The following ARSH variants were observed in gnomAD, a reference collection of about 807,000 sequenced individuals.
The protein encoded by ARSH is arylsulfatase family member H.
ARSH carries 32 observed loss-of-function variants against 28.7 expected under a neutral mutation model. The observed-to-expected ratio is 1.11, with a 90% CI of 0.84 to 1.50. ARSH has a LOEUF of 1.50. Ranked by LOEUF, ARSH falls within the 40% of genes most tolerant of loss-of-function variation. The pLI, the probability that ARSH is intolerant of heterozygous loss-of-function variation, is 0.00. For missense variants in ARSH, 440 were observed against 452.4 expected (o/e 0.97, Z 0.25); for synonymous variants, 176 against 177.3 (o/e 0.99, Z 0.06).
intron 8 of ARSH, among the ~76,000 whole-genome samples, chrX:3,032,128 G>T (rs1004605993): frequency 9.1e-6 from 1 of 109,894 alleles, no homozygotes; most frequent in African/African-American, 3.3e-5. Flanking sequence ...ATCTAAAATT[G>T]ATCTCTGCAG....
chrX:3,014,839 T>C lies in ARSH; in HGVS notation c.341-131T>C, dbSNP rs146029934. On this transcript the variant is annotated intron_variant, in intron 3 of 8. Transcript: ENST00000381130. ...TATACCAGGGAGGTATTTGGGGATATCAAGAAAAAACCATGATGACAACAG... is the reference window on the plus strand; with the variant it reads ...TATACCAGGGAGGTATTTGGGGATACCAAGAAAAAACCATGATGACAACAG... 7,029 of 633,089 alleles carry C rather than the reference T, an allele frequency of 0.011. 272 individuals carry two copies. In the African/African-American group the frequency reaches 0.12, roughly 11 times the overall value. The allele number at this position is 633,089 out of a possible 1,213,427, so 52.2% of individuals were successfully genotyped here.
chrX:3,022,924 T>G (rs752658708), intron 5 of ARSH, among the ~76,000 whole-genome samples: 5 of 110,499 alleles, frequency 4.5e-5, no homozygotes, highest in Admixed American at 9.9e-5. Flanking sequence ...TTAATGTTCA[T>G]CGGTTTATTT....
chrX:3,012,444 G>A (rs2147452967), intron 2 of ARSH, among the ~76,000 whole-genome samples: 1 of 95,529 alleles, frequency 1.0e-5, no homozygotes, highest in Non-Finnish European at 2.1e-5. Flanking sequence ...GGGAGGCGGA[G>A]GCACGAGAAT....
intron 1 of ARSH, among the ~76,000 whole-genome samples, chrX:3,008,449 T>TTTCC (rs2089835318): frequency 1.3e-5 from 1 of 75,847 alleles, no homozygotes; most frequent in Non-Finnish European, 2.5e-5. Flanking sequence ...CTTCTTCTTA[T>TTTCC]TTTCTTTCTT....
chrX:3,020,274 C>CAAA lies in ARSH; in HGVS notation c.901+1633_901+1635dup, dbSNP rs59713321. ...ACCACTGTACTCCAAGACCCCGTCT[C>CAAA]AAAAAAAAAAAAAAAAAAAAAAAAA... On this transcript the variant is annotated intron_variant, in intron 5 of 8. Coordinates refer to ENST00000381130, the MANE Select transcript of ARSH (RefSeq NM_001011719.2). 2.1e-3 allele frequency among the ~76,000 whole-genome samples: 29 copies of CAAA among 13,845 alleles called. 1 individual carries two copies. The highest frequency in any genetic ancestry group is 0.01 in the African/African-American group (23 of 2,247). 12.0% of individuals were successfully genotyped at this position (13,845 alleles called of 115,157 possible).
In ARSH at chrX:3,029,433, C is replaced by T; in HGVS notation, c.1321+65C>T. ...GGCCCGGTTCCGGTCTCCTTCGTCT[C>T]CTGGCGGAAGCTGCACCATGTGCAG... On this transcript the variant is annotated intron_variant, in intron 8 of 8. Transcript: ENST00000381130. The T allele has an allele frequency of 2.6e-6, 3 of 1,159,147 alleles. No individual in the cohort carries two copies. In the South Asian group the frequency reaches 6.3e-5, roughly 24 times the overall value.
At chrX:3,025,529 A>C (rs1380492290) in intron 6 of ARSH, among the ~76,000 whole-genome samples, 1 of 78,708 alleles carries the variant, frequency 1.3e-5, no homozygotes, top group Non-Finnish European at 2.4e-5. Flanking sequence ...TATATTCATT[A>C]TATATTACAC....
At position 3,015,713 on chromosome X, in the gene ARSH, A is replaced by G. The variant is rs373233184; in HGVS notation, c.764+320A>G. Among the ~76,000 whole-genome samples the G allele has an allele frequency of 4.8e-4, 53 of 110,906 alleles. 1 individual carries two copies. In the South Asian group the frequency reaches 0.018, roughly 38 times the overall value. Reference sequence around the variant, plus strand: ...TTCTAGAGGAGAGAGGGAGACAGGGAGACCAGGGGCACATGGTTGCAAGAC... The same window carrying G: ...TTCTAGAGGAGAGAGGGAGACAGGGGGACCAGGGGCACATGGTTGCAAGAC... On this transcript the variant is annotated intron_variant, in intron 4 of 8. Transcript: ENST00000381130.
chrX:3,020,902 G>A (rs1479200604), intron 5 of ARSH, among the ~76,000 whole-genome samples: 1 of 110,526 alleles, frequency 9.0e-6, no homozygotes, highest in African/African-American at 3.3e-5. Context: ...ACTATAGTCA[G>A]ATTTAATATG....
At chrX:3,012,034 G>A (rs1200432004) in intron 2 of ARSH, among the ~76,000 whole-genome samples, 1 of 111,019 alleles carries the variant, frequency 9.0e-6, no homozygotes, top group Non-Finnish European at 1.9e-5. Flanking sequence ...GTAGAGACAG[G>A]GTTTCACCAT....
Position 3,023,896 on chromosome X carries a change from A to G in ARSH, c.902-125A>G. 3 of 682,414 alleles carry G rather than the reference A, an allele frequency of 4.4e-6. No homozygotes were observed. The South Asian group carries it at 9.0e-5, about 20-fold the overall frequency. 56.2% of individuals were successfully genotyped at this position (682,414 alleles called of 1,213,427 possible). A position where few individuals can be genotyped will look rare whatever the true frequency, so the allele number is the denominator to read the frequency against. The stretch of plus-strand genomic sequence containing the variant: ...ACAATATTATATGATTAATTATACA[A>G]TATCGTGTAGTGCAGAATAACATTG... On this transcript the variant is annotated intron_variant, in intron 5 of 8. Coordinates refer to ENST00000381130, the MANE Select transcript of ARSH (RefSeq NM_001011719.2).
chrX:3,014,974 A>G lies in ARSH; in HGVS notation c.345A>G (p.Lys115=). ...ACGATTTTATTTTACTTTTAGGCAA[A>G]TGGCACCTGGGTTTGAGCTGCGCCT... The part of the protein sequence containing the change: ...HRGYRTGLIG[K]WHLGLSCASR... Residue 115 remains lysine, a synonymous_variant, in exon 4 of 9, where the codon AAA becomes AAG. Transcript: ENST00000381130. 1 of 1,206,845 alleles carries G rather than the reference A, an allele frequency of 8.3e-7. No homozygotes were observed. Among genetic ancestry groups the G allele is most frequent in the Non-Finnish European group, 1.1e-6 (1 of 892,663 alleles).
chrX:3,024,051 G>T lies in ARSH; in HGVS notation c.932G>T (p.Arg311Leu). The part of the protein sequence containing the change: ...GKILDALDQE[R>L]LANHTLVYFT... ...ATCCTGGATGCCCTGGACCAGGAGC[G>T]CCTGGCCAACCACACCTTGGTGTAC... is the stretch of plus-strand genomic sequence containing the variant. Residue 311 changes from arginine (R) to leucine (L), a missense_variant, in exon 6 of 9, where the codon CGC becomes CTC. Arg to Leu is a moderately radical substitution (Grantham distance 102). Coordinates refer to ENST00000381130, the MANE Select transcript of ARSH (RefSeq NM_001011719.2). 1 of 1,209,159 alleles carries T rather than the reference G, an allele frequency of 8.3e-7. No individual in the cohort carries two copies. The highest frequency in any genetic ancestry group is 1.1e-6 in the Non-Finnish European group (1 of 894,417).
chrX:3,014,504 G>A (rs775037226), intron 3 of ARSH, among the ~76,000 whole-genome samples: 1 of 110,743 alleles, frequency 9.0e-6, no homozygotes, highest in African/African-American at 3.3e-5. Flanking sequence ...ATAAAATCTC[G>A]GTTACCTTTC....
intron 2 of ARSH, among the ~76,000 whole-genome samples, chrX:3,011,514 G>A (rs1181983472): frequency 8.9e-6 from 1 of 111,789 alleles, no homozygotes; most frequent in Non-Finnish European, 1.9e-5. Context: ...GCCACCCAAA[G>A]TGTTGGGATT....
At chrX:3,019,604 TTTC>T (rs2089875861) in intron 5 of ARSH, among the ~76,000 whole-genome samples, 2 of 111,160 alleles carry the variant, frequency 1.8e-5, no homozygotes, top group African/African-American at 3.3e-5. Flanking sequence ...ATACAGTACT[TTTC>T]TTCTTCTTCT....
At chrX:3,025,355 A>C (rs1400145749) in intron 6 of ARSH, among the ~76,000 whole-genome samples, 1 of 105,557 alleles carries the variant, frequency 9.5e-6, no homozygotes, top group Non-Finnish European at 1.9e-5. Context: ...TGTATAGATC[A>C]TTATATATAA....
chrX:3,014,444 T>C (rs1490561213), intron 3 of ARSH, among the ~76,000 whole-genome samples: 1 of 111,416 alleles, frequency 9.0e-6, no homozygotes, highest in Non-Finnish European at 1.9e-5. Flanking sequence ...ATTCTTTGGC[T>C]ACTTTGTCAT....
intron 3 of ARSH, among the ~76,000 whole-genome samples, chrX:3,014,024 C>T (rs1234047056): frequency 9.0e-6 from 1 of 111,557 alleles, no homozygotes; most frequent in Admixed American, 9.6e-5. Flanking sequence ...AATCCCAGCA[C>T]TTTGGGAGGC....
Sources: gnomAD v4.1 joint callset for allele counts (sites outside exome capture counted in the v4.1 genomes callset) on GRCh38, gnomAD v4.1.1 for gene constraint, MANE v1.5 for transcripts, NCBI Gene and HGNC (gene_info 2026-07-23, HGNC 2026-07-21) for gene names.